MLIP: variants seen among roughly 807,000 people sequenced by gnomAD.
MLIP encodes muscular LMNA interacting protein.
A neutral mutation model predicts 84.8 loss-of-function variants in MLIP; 79 were observed. That is an observed-to-expected ratio of 0.93 (90% CI 0.78 to 1.12). The LOEUF is 1.12. Ranked by LOEUF, MLIP falls within the 50% of genes most tolerant of loss-of-function variation. The pLI, the probability that MLIP is intolerant of heterozygous loss-of-function variation, is 0.00. For missense variants in MLIP, 1,257 were observed against 1,160.6 expected (o/e 1.08, Z -1.21); for synonymous variants, 504 against 463.0 (o/e 1.09, Z -1.14).
intron 1 of MLIP, among the ~76,000 whole-genome samples, chr6:54,024,589 C>T (rs966934275): frequency 3.3e-5 from 5 of 152,238 alleles, no homozygotes; most frequent in African/African-American, 1.2e-4. Flanking sequence ...CTAAGGGCTG[C>T]AGTGGGAACA....
In MLIP at chr6:54,189,995, A is replaced by G. The variant is rs943985857; in HGVS notation, c.2589+81A>G. On this transcript the variant is annotated intron_variant, in intron 10 of 13. Coordinates refer to ENST00000502396, the MANE Select transcript of MLIP (RefSeq NM_001281747.2). ...TTACCTGAGTAAAAGTGAAAAAAAG[A>G]ATACATTTACTATATATATTTTTAT... 1.4e-5 allele frequency: 13 copies of G among 932,522 alleles called. No homozygotes were observed. In the Admixed American group the frequency reaches 2.3e-4, roughly 16 times the overall value. 57.8% of individuals were successfully genotyped at this position (932,522 alleles called of 1,614,324 possible).
At chr6:54,154,262 TA>T (rs1258106044) in intron 5 of MLIP, among the ~76,000 whole-genome samples, 2 of 151,808 alleles carry the variant, frequency 1.3e-5, no homozygotes, top group African/African-American at 4.8e-5. Flanking sequence ...CTCATAAGCA[TA>T]AAAAAAATAA....
chr6:54,240,210 A>T (rs1284406355), intron 12 of MLIP, among the ~76,000 whole-genome samples: 1 of 152,252 alleles, frequency 6.6e-6, no homozygotes, highest in Non-Finnish European at 1.5e-5. Context: ...AAACTGTCAC[A>T]TTCCAACTTC....
At chr6:54,058,917 CT>C (rs1325474972) in intron 1 of MLIP, 1 of 152,160 alleles carries the variant, frequency 6.6e-6, no homozygotes, top group Non-Finnish European at 1.5e-5. Context: ...TGGAAATTGA[CT>C]TACCTTCTAC....
At chr6:54,196,282 C>G (rs1032643660) in intron 10 of MLIP, among the ~76,000 whole-genome samples, 10 of 152,088 alleles carry the variant, frequency 6.6e-5, no homozygotes, top group Admixed American at 3.3e-4. Context: ...CTGCACCTAT[C>G]AAACCATCAC....
chr6:54,257,427 C>G, intron 13 of MLIP, 66 bp downstream of exon 13: 2 of 1,246,830 alleles, frequency 1.6e-6, no homozygotes, highest in East Asian at 2.4e-5. Context: ...ATAAACCAAT[C>G]TTATTTTTTT....
intron 1 of MLIP, among the ~76,000 whole-genome samples, chr6:54,077,121 T>C (rs970074502): frequency 2.0e-5 from 3 of 152,166 alleles, no homozygotes; most frequent in African/African-American, 7.2e-5. Context: ...AGACTTTATA[T>C]CTCTCTGCTA....
chr6:54,084,307 T>A (rs998708116), intron 1 of MLIP, among the ~76,000 whole-genome samples: 2 of 152,194 alleles, frequency 1.3e-5, no homozygotes, highest in South Asian at 4.1e-4. Context: ...CTATGAATTA[T>A]CCACAGTAGT....
intron 11 of MLIP, among the ~76,000 whole-genome samples, chr6:54,229,773 A>G (rs567488465): frequency 8.5e-5 from 13 of 152,248 alleles, no homozygotes; most frequent in Non-Finnish European, 1.3e-4. Flanking sequence ...TCTATCATTG[A>G]TAGGCATTTG....
At chr6:54,120,843 T>C (rs1307883516) in intron 1 of MLIP, among the ~76,000 whole-genome samples, 1 of 152,128 alleles carries the variant, frequency 6.6e-6, no homozygotes, top group Non-Finnish European at 1.5e-5. Flanking sequence ...GACTGTTTCC[T>C]GTTCACCGTT....
intron 1 of MLIP, among the ~76,000 whole-genome samples, chr6:54,036,450 C>T (rs1030350332): frequency 2.0e-5 from 3 of 151,918 alleles, no homozygotes; most frequent in African/African-American, 7.2e-5. Context: ...GTAGTCTAAG[C>T]TGCTGTTATA....
intron 12 of MLIP, among the ~76,000 whole-genome samples, chr6:54,244,905 G>T (rs531198073): frequency 1.1e-4 from 16 of 152,262 alleles, no homozygotes; most frequent in African/African-American, 3.9e-4. Flanking sequence ...AATCATTCAA[G>T]AAATTAGGAA....
intron 1 of MLIP, among the ~76,000 whole-genome samples, chr6:54,090,693 GAA>G (rs1228803897): frequency 1.3e-5 from 2 of 150,238 alleles, no homozygotes; most frequent in South Asian, 2.1e-4. Flanking sequence ...GTGAGACAGA[GAA>G]AGAGAGAGAG....
At chr6:54,070,604 TG>T (rs550515914) in intron 1 of MLIP, among the ~76,000 whole-genome samples, 141 of 152,314 alleles carry the variant, frequency 9.3e-4, no homozygotes, top group East Asian at 8.7e-3. Flanking sequence ...GGATTTTTTT[TG>T]GTTGCCCAGG....
In MLIP at chr6:54,101,556, A is replaced by G. The variant is rs141804619; in HGVS notation, c.64-19891A>G. Reference sequence around the variant, plus strand: ...AATAATAAGTAGATTTATGTTTTTGAACCCAATTCTGACTCTAAATTCCAT... The same window carrying G: ...AATAATAAGTAGATTTATGTTTTTGGACCCAATTCTGACTCTAAATTCCAT... On this transcript the variant is annotated intron_variant, in intron 1 of 12. Coordinates refer to the MLIP transcript ENST00000274897. Among the ~76,000 whole-genome samples the G allele has an allele frequency of 2.6e-3, 394 of 152,270 alleles. 2 individuals are homozygous for G. Among genetic ancestry groups the G allele is most frequent in the Non-Finnish European group, 4.6e-3 (312 of 68,000 alleles).
chr6:54,086,614 T>C (rs144472088), intron 1 of MLIP, among the ~76,000 whole-genome samples: 1 of 152,300 alleles, frequency 6.6e-6, no homozygotes, highest in African/African-American at 2.4e-5. Context: ...CAAAGTCCGT[T>C]ATAGTGGCTG....
At chr6:54,088,805 A>G (rs1215901303) in intron 1 of MLIP, among the ~76,000 whole-genome samples, 1 of 152,304 alleles carries the variant, frequency 6.6e-6, no homozygotes, top group Non-Finnish European at 1.5e-5. Context: ...CATGTGTCAC[A>G]TTATACATTT....
At chr6:54,187,233 A>G (rs1200857437) in intron 9 of MLIP, among the ~76,000 whole-genome samples, 2 of 152,164 alleles carry the variant, frequency 1.3e-5, no homozygotes, top group Non-Finnish European at 2.9e-5. Context: ...ATGAGGGCAA[A>G]TGTACTGCAG....
chr6:54,084,809 T>C (rs1219758177), intron 1 of MLIP, among the ~76,000 whole-genome samples: 1 of 152,084 alleles, frequency 6.6e-6, no homozygotes, highest in Non-Finnish European at 1.5e-5. Context: ...CGGGAGCAAA[T>C]GGATGGTGGA....
Sources: allele counts gnomAD v4.1 joint callset (sites outside exome capture counted in the v4.1 genomes callset), GRCh38; gene constraint gnomAD v4.1.1; transcripts MANE v1.5; gene names NCBI Gene and HGNC (gene_info 2026-07-23, HGNC 2026-07-21).